COL21A1: variants seen among roughly 807,000 people sequenced by gnomAD.
COL21A1 encodes collagen type XXI alpha 1 chain.
In COL21A1, 149 loss-of-function variants were observed where a neutral mutation model predicts 137.9. That is an observed-to-expected ratio of 1.08 (90% CI 0.95 to 1.24). COL21A1 has a LOEUF of 1.24. COL21A1 is among the 50% of genes most tolerant of loss of function. The pLI is 0.00. For synonymous variants in COL21A1, 456 were observed against 391.5 expected (o/e 1.16, Z -1.95); for missense variants, 1,167 against 1,158.4 (o/e 1.01, Z -0.11).
chr6:56,098,616 AATATATATAAATAT>A (rs1770034638), intron 17 of COL21A1, among the ~76,000 whole-genome samples: 1 of 6,750 alleles, frequency 1.5e-4, no homozygotes. Context: ...AATATATATA[AATATATATAAATAT>A]ATATATAAAT....
intron 1 of COL21A1, among the ~76,000 whole-genome samples, chr6:56,365,152 C>G (rs745947724): frequency 1.3e-5 from 2 of 152,182 alleles, no homozygotes; most frequent in Non-Finnish European, 2.9e-5. Context: ...AAAACAATTA[C>G]AGCTCACCAC....
intron 18 of COL21A1, 81 bp downstream of exon 18, chr6:56,077,448 T>G (rs976326128): frequency 4.4e-6 from 4 of 917,992 alleles, no homozygotes. Flanking sequence ...TTACCACAAA[T>G]GTAAAACTGT....
At chr6:56,091,459 C>CTGCTAAGG (rs929644563) in intron 17 of COL21A1, 2 of 152,588 alleles carry the variant, frequency 1.3e-5, no homozygotes, top group African/African-American at 2.4e-5. Context: ...CAAAATAAAA[C>CTGCTAAGG]TGCTAAGGCC....
At chr6:56,081,889 G>A (rs909690262) in intron 17 of COL21A1, among the ~76,000 whole-genome samples, 1 of 151,824 alleles carries the variant, frequency 6.6e-6, no homozygotes, top group East Asian at 1.9e-4. Flanking sequence ...GGCTACTCAT[G>A]TTTATAATAA....
At chr6:56,098,544 TATAAATATATATAAATATATAA>T (rs1769971650) in intron 17 of COL21A1, among the ~76,000 whole-genome samples, 1 of 29,566 alleles carries the variant, frequency 3.4e-5, no homozygotes, top group Non-Finnish European at 5.6e-5. Flanking sequence ...TATATAAATA[TATAAATATATATAAATATATAA>T]ATATATATAA....
At chr6:56,271,978 C>T (rs1404063196) in intron 1 of COL21A1, among the ~76,000 whole-genome samples, 1 of 152,248 alleles carries the variant, frequency 6.6e-6, no homozygotes, top group African/African-American at 2.4e-5. Context: ...CAGAAGTCTG[C>T]TGCAGGGGCA....
intron 1 of COL21A1, among the ~76,000 whole-genome samples, chr6:56,272,581 G>A (rs924945425): frequency 2.0e-5 from 3 of 152,162 alleles, no homozygotes; most frequent in Non-Finnish European, 4.4e-5. Flanking sequence ...GGAGGGGCCA[G>A]GGGTGTAATG....
intron 2 of COL21A1, among the ~76,000 whole-genome samples, chr6:56,180,426 A>G (rs1365662766): frequency 6.6e-6 from 1 of 152,224 alleles, no homozygotes; most frequent in Non-Finnish European, 1.5e-5. Context: ...CACCCAATGA[A>G]TCAACTCTTG....
intron 3 of COL21A1, among the ~76,000 whole-genome samples, chr6:56,176,652 AAAGG>A (rs760805816): frequency 1.3e-5 from 2 of 148,428 alleles, no homozygotes; most frequent in Admixed American, 6.7e-5. Flanking sequence ...AAGGAGGAAG[AAAGG>A]AAGGAAGGAA....
At position 56,387,931 on chromosome 6, in the gene COL21A1, C is replaced by T. The variant is rs756415945; in HGVS notation, c.-39+6040G>A. Among the ~76,000 whole-genome samples the T allele has an allele frequency of 4.6e-5, 7 of 152,276 alleles. No individual in the cohort carries two copies. The South Asian group carries it at 6.2e-4, about 14-fold the overall frequency. ...GGGGTACACATGACCCAGTGCAATA[C>T]CAGCTGTGGAGGCCAAGGGAGTGCC... is the stretch of plus-strand genomic sequence containing the variant. On this transcript the variant is annotated intron_variant, in intron 1 of 28. Coordinates refer to the COL21A1 transcript ENST00000370819.
At chr6:56,302,507 G>T (rs1233192050) in intron 1 of COL21A1, among the ~76,000 whole-genome samples, 4 of 151,906 alleles carry the variant, frequency 2.6e-5, no homozygotes, top group Admixed American at 6.6e-5. Context: ...TCATGTGTCT[G>T]TTGGCTGCAT....
chr6:56,260,854 G>GTGTA (rs1410191751), intron 1 of COL21A1, among the ~76,000 whole-genome samples: 2 of 134,940 alleles, frequency 1.5e-5, no homozygotes, highest in Non-Finnish European at 3.4e-5. Context: ...TTCACTGTGT[G>GTGTA]TGTGTGTGTG....
chr6:56,342,014 A>T (rs1765481862), intron 1 of COL21A1, among the ~76,000 whole-genome samples: 1 of 152,230 alleles, frequency 6.6e-6, no homozygotes, highest in Admixed American at 6.5e-5. Flanking sequence ...CACTAGATTT[A>T]AAAATGATCA....
chr6:56,143,087 C>T (rs1774545377), intron 10 of COL21A1, among the ~76,000 whole-genome samples: 2 of 151,954 alleles, frequency 1.3e-5, no homozygotes, highest in Admixed American at 1.3e-4. Flanking sequence ...TGAGTTGTCT[C>T]TGAAAGATCA....
intron 1 of COL21A1, among the ~76,000 whole-genome samples, chr6:56,314,502 C>G (rs1764685161): frequency 6.6e-6 from 1 of 152,068 alleles, no homozygotes; most frequent in South Asian, 2.1e-4. Flanking sequence ...AACCCAGATT[C>G]TAGGCTCAGT....
In COL21A1 at chr6:56,060,048, G is replaced by A; in HGVS notation, c.2578C>T (p.Pro860Ser). The change falls in exon 28 of 30, where the codon CCT (proline) becomes TCT (serine). Residue 860 changes from proline (P) to serine (S), a missense_variant. Physicochemically the swap from Pro to Ser is moderately conservative, Grantham distance 74. Transcript: ENST00000244728. ...AATCCTCTGACACCTGGACGTCCAG[G>A]GACACCCACTAATCCAGGAACACCA... Reference protein sequence around the residue: ...RDGVPGLVGVPGRPGVRGLKG... With the variant: ...RDGVPGLVGVSGRPGVRGLKG... 6.2e-7 allele frequency: 1 copy of A among 1,606,816 alleles called. No individual in the cohort carries two copies. The highest frequency in any genetic ancestry group is 8.5e-7 in the Non-Finnish European group (1 of 1,177,740).
chr6:56,208,479 G>C (rs985759825), intron 1 of COL21A1, among the ~76,000 whole-genome samples: 2 of 152,114 alleles, frequency 1.3e-5, no homozygotes, highest in African/African-American at 2.4e-5. Flanking sequence ...GGATGTGAAG[G>C]ATTCTTCAAT....
At chr6:56,104,797 C>T (rs1770741675) in intron 16 of COL21A1, among the ~76,000 whole-genome samples, 1 of 152,068 alleles carries the variant, frequency 6.6e-6, no homozygotes, top group Non-Finnish European at 1.5e-5. Flanking sequence ...TAAAACCAGG[C>T]ATGTGAAACT....
intron 1 of COL21A1, among the ~76,000 whole-genome samples, chr6:56,232,960 G>A (rs1355917096): frequency 1.3e-5 from 2 of 151,824 alleles, no homozygotes; most frequent in African/African-American, 4.8e-5. Context: ...ACTCAGAGCT[G>A]GAAGTAAAAG....
Sources: gnomAD v4.1 joint callset for allele counts (sites outside exome capture counted in the v4.1 genomes callset) on GRCh38, gnomAD v4.1.1 for gene constraint, MANE v1.5 for transcripts, NCBI Gene and HGNC (gene_info 2026-07-23, HGNC 2026-07-21) for gene names.